Variants in PTDSS1 observed in about 807,000 individuals in gnomAD.
PTDSS1 encodes phosphatidylserine synthase 1, also known as PSS-1.
Under a neutral mutation model 70.5 loss-of-function variants are expected in PTDSS1, and 45 were observed. The ratio of observed to expected loss-of-function variants is 0.64; its 90% CI spans 0.50 to 0.82. PTDSS1 has a LOEUF of 0.82. Ranked by LOEUF, PTDSS1 falls within the 40% of genes least tolerant of loss-of-function variation. PTDSS1 has a pLI of 0.00. For missense variants in PTDSS1, 417 were observed against 586.1 expected (o/e 0.71, Z 2.98); for synonymous variants, 188 against 203.8 (o/e 0.92, Z 0.66).
At chr8:96,327,274 A>C (rs1811450823) in intron 10 of PTDSS1, among the ~76,000 whole-genome samples, 1 of 152,116 alleles carries the variant, frequency 6.6e-6, no homozygotes, top group South Asian at 2.1e-4. Flanking sequence ...GAGCTGACTG[A>C]GGCTGGGATA....
intron 2 of PTDSS1, among the ~76,000 whole-genome samples, chr8:96,281,725 T>C (rs9969509): frequency 0.16 from 24,733 of 152,160 alleles, 3,449 homozygotes; most frequent in African/African-American, 0.38. Flanking sequence ...CTTCCTGAGC[T>C]GACCCAGTTC....
intron 9 of PTDSS1, among the ~76,000 whole-genome samples, chr8:96,310,483 T>A (rs1319675734): frequency 8.6e-5 from 13 of 150,602 alleles, no homozygotes; most frequent in East Asian, 6.0e-4. Flanking sequence ...TTTTTTTTTT[T>A]AAATAAATTA....
chr8:96,326,640 A>G (rs983937037), intron 10 of PTDSS1, among the ~76,000 whole-genome samples: 2 of 152,204 alleles, frequency 1.3e-5, no homozygotes, highest in Non-Finnish European at 2.9e-5. Flanking sequence ...GAGTTGGATG[A>G]AGAGTAGGAC....
chr8:96,276,964 ACGCGCG>A lies in PTDSS1; in HGVS notation c.271+3576_271+3581del, dbSNP rs145783893. On this transcript the variant is annotated intron_variant, in intron 2 of 12. Transcript: ENST00000517309. Reference sequence around the variant, plus strand: ...CTTTCTTCTCCTCCCGGGCACATACACGCGCGCACGCGCGCGCACACACACACACAC... The same window carrying A: ...CTTTCTTCTCCTCCCGGGCACATACACACGCGCGCGCACACACACACACAC... Among the ~76,000 whole-genome samples the A allele has an allele frequency of 8.7e-3, 1,108 of 127,736 alleles. 15 individuals carry two copies. The highest frequency in any genetic ancestry group is 0.038 in the South Asian group (143 of 3,782). 83.8% of individuals were successfully genotyped at this position (127,736 alleles called of 152,430 possible). A position where few individuals can be genotyped will look rare whatever the true frequency, so the allele number is the denominator to read the frequency against.
chr8:96,284,209 C>A, intron 3 of PTDSS1, 56 bp downstream of exon 3: 1 of 1,481,622 alleles, frequency 6.7e-7, no homozygotes, highest in Non-Finnish European at 9.3e-7. Context: ...CTTTTTTCTG[C>A]TTATCACTTT....
chr8:96,289,304 C>G (rs571536453), intron 4 of PTDSS1, among the ~76,000 whole-genome samples: 1 of 152,286 alleles, frequency 6.6e-6, no homozygotes, highest in East Asian at 1.9e-4. Context: ...TTCTAGGCTT[C>G]TAATCATGGT....
rs145504597 is a variant in PTDSS1, at chr8:96,280,651, T to C, written c.272-3458T>C. ...ACACATAGTTTTTAAATGTCCCTCA[T>C]AAGAAAACCAAAACCCAGCGTTCGT... is the stretch of plus-strand genomic sequence containing the variant. On this transcript the variant is annotated intron_variant, in intron 2 of 12. Transcript: ENST00000517309. Among the ~76,000 whole-genome samples the C allele has an allele frequency of 1.6e-3, 246 of 152,258 alleles. 1 individual carries two copies. The highest frequency in any genetic ancestry group is 5.8e-3 in the African/African-American group (241 of 41,546).
At chr8:96,318,746 G>T (rs1304957804) in intron 9 of PTDSS1, among the ~76,000 whole-genome samples, 1 of 152,112 alleles carries the variant, frequency 6.6e-6, no homozygotes, top group East Asian at 1.9e-4. Flanking sequence ...AAATTGAGGA[G>T]AATTTCTGTT....
chr8:96,330,227 C>G lies in PTDSS1; in HGVS notation c.1188C>G (p.Phe396Leu). Residue 396 changes from phenylalanine to leucine, a missense_variant, in exon 11 of 13, where the codon TTC becomes TTG. Physicochemically the swap from Phe to Leu is conservative, Grantham distance 22. Transcript: ENST00000517309. ...LWLLCVAFTT[F>L]LCLYGMIWYA... ...TTCTCTTCCAGGCTTTCACCACTTTCCTCTGTCTGTACGGCATGATTTGGT... is the reference window on the plus strand; with the variant it reads ...TTCTCTTCCAGGCTTTCACCACTTTGCTCTGTCTGTACGGCATGATTTGGT... 2 of 1,613,128 alleles carry G rather than the reference C, an allele frequency of 1.2e-6. No homozygotes were observed. The highest frequency in any genetic ancestry group is 1.7e-6 in the Non-Finnish European group (2 of 1,179,216).
intron 10 of PTDSS1, among the ~76,000 whole-genome samples, chr8:96,322,830 G>A (rs1171555454): frequency 6.6e-6 from 1 of 152,142 alleles, no homozygotes; most frequent in Non-Finnish European, 1.5e-5. Flanking sequence ...AACCCCACTT[G>A]GACACCACCG....
intron 6 of PTDSS1, among the ~76,000 whole-genome samples, chr8:96,301,688 T>C (rs1586198092): frequency 6.6e-6 from 1 of 151,646 alleles, no homozygotes; most frequent in East Asian, 2.0e-4. Flanking sequence ...CTTTTTTTTT[T>C]GTATTTTAGG....
rs138434694 is a variant in PTDSS1 at position 96,292,864 on chromosome 8, C to T, written c.442-2234C>T. 2.0e-3 allele frequency among the ~76,000 whole-genome samples: 312 copies of T among 152,328 alleles called. 3 individuals are homozygous for T. Among genetic ancestry groups the T allele is most frequent in the African/African-American group, 7.1e-3 (294 of 41,570 alleles). ...CTGACCCACAAAAATTGCTGCATGG[C>T]TGGGGGAGCTGATGAGAACCTGTGC... On this transcript the variant is annotated intron_variant, in intron 4 of 12. Coordinates refer to ENST00000517309, the MANE Select transcript of PTDSS1 (RefSeq NM_014754.3).
At chr8:96,269,798 A>G (rs1299578306) in intron 1 of PTDSS1, among the ~76,000 whole-genome samples, 7 of 152,206 alleles carry the variant, frequency 4.6e-5, no homozygotes, top group Non-Finnish European at 1.0e-4. Context: ...GATCCACTCA[A>G]GAATAAGGGC....
At chr8:96,316,201 A>C (rs2130143514) in intron 9 of PTDSS1, among the ~76,000 whole-genome samples, 1 of 152,214 alleles carries the variant, frequency 6.6e-6, no homozygotes, top group South Asian at 2.1e-4. Context: ...TGTCTGGATG[A>C]GTACAGTAGC....
chr8:96,288,791 G>A (rs1166508659), intron 4 of PTDSS1, among the ~76,000 whole-genome samples: 4 of 150,996 alleles, frequency 2.6e-5, no homozygotes, highest in Admixed American at 6.6e-5. Flanking sequence ...CATCACACTC[G>A]GCTAATTTTG....
Position 96,262,028 on chromosome 8 carries a change from G to C in PTDSS1, c.-13G>C, listed in dbSNP as rs779313763. ...GGGGCCGCCGCCACCGCGGCAGGACGGGGAGGCGGGCCATGGCGTCCTGCG... is the reference window on the plus strand; with the variant it reads ...GGGGCCGCCGCCACCGCGGCAGGACCGGGAGGCGGGCCATGGCGTCCTGCG... On this transcript the variant is annotated 5_prime_UTR_variant, in exon 1 of 13. Coordinates refer to ENST00000517309, the MANE Select transcript of PTDSS1 (RefSeq NM_014754.3). The surrounding 1 kb of genome is among the most constrained non-coding windows in gnomAD (Gnocchi z 4.4). 1 of 1,608,396 alleles carries C rather than the reference G, an allele frequency of 6.2e-7. No homozygotes were observed. Among genetic ancestry groups the C allele is most frequent in the Non-Finnish European group, 8.5e-7 (1 of 1,177,014 alleles).
intron 9 of PTDSS1, among the ~76,000 whole-genome samples, chr8:96,311,392 A>G (rs572534533): frequency 6.6e-6 from 1 of 152,370 alleles, no homozygotes; most frequent in Admixed American, 6.5e-5. Context: ...TAAACAGGAC[A>G]TTCTTCCAAT....
chr8:96,319,451 C>A (rs1811343814), intron 9 of PTDSS1, among the ~76,000 whole-genome samples: 2 of 151,082 alleles, frequency 1.3e-5, no homozygotes, highest in Non-Finnish European at 2.9e-5. Context: ...ACAAGAGTGA[C>A]TTTTTTTAAT....
At position 96,320,363 on chromosome 8, in the gene PTDSS1, A is replaced by G. The variant is rs753312963; in HGVS notation, c.1173+18A>G. On this transcript the variant is annotated intron_variant, in intron 10 of 12. Transcript: ENST00000517309. The stretch of plus-strand genomic sequence containing the variant: ...TTTGCGTGGTAAGTCACTGCATTTT[A>G]CCCAAAGGCATTAGCTAAACTCTCA... 1.7e-4 allele frequency: 259 copies of G among 1,562,406 alleles called. 2 individuals are homozygous for G. Among genetic ancestry groups the G allele is most frequent in the Non-Finnish European group, 1.8e-6 (2 of 1,133,450 alleles).
Sources: allele counts gnomAD v4.1 joint callset (sites outside exome capture counted in the v4.1 genomes callset), GRCh38; gene constraint gnomAD v4.1.1; non-coding constraint Gnocchi (gnomAD v3.1); transcripts MANE v1.5; gene names NCBI Gene and HGNC (gene_info 2026-07-23, HGNC 2026-07-21).